AK8: variants seen among roughly 807,000 people sequenced by gnomAD.
AK8 encodes the protein ATP-AMP transphosphorylase 8.
In AK8, 44 loss-of-function variants were observed where a neutral mutation model predicts 54.6. That is an observed-to-expected ratio of 0.81 (90% CI 0.63 to 1.04). The LOEUF (loss-of-function observed/expected upper bound fraction) is 1.04. Among genes scored for constraint, AK8 ranks in the 50% least tolerant of loss-of-function variants. The pLI is 0.00. For synonymous variants in AK8, 239 were observed against 245.6 expected (o/e 0.97, Z 0.25); for missense variants, 555 against 613.6 (o/e 0.90, Z 1.01).
intron 10 of AK8, among the ~76,000 whole-genome samples, chr9:132,798,685 G>A (rs1044023774): frequency 6.6e-5 from 10 of 151,030 alleles, no homozygotes; most frequent in South Asian, 2.1e-4. Context: ...ACATGGTTTC[G>A]TTTGTTTTTT....
At position 132,878,183 on chromosome 9, in the gene AK8, C is replaced by T. The variant is rs1844232577; in HGVS notation, c.73G>A (p.Glu25Lys). 1.3e-6 allele frequency: 2 copies of T among 1,489,522 alleles called. No individual in the cohort carries two copies. The highest frequency in any genetic ancestry group is 1.4e-5 in the African/African-American group (1 of 69,244). The allele number at this position is 1,489,522 out of a possible 1,614,324, so 92.3% of individuals were successfully genotyped here. Residue 25 changes from glutamate to lysine, a missense_variant, in exon 1 of 13, where the codon GAG becomes AAG. Physicochemically the swap from Glu to Lys is moderately conservative, Grantham distance 56. Coordinates refer to ENST00000298545, the MANE Select transcript of AK8 (RefSeq NM_152572.3). The surrounding 1 kb of genome is among the most constrained non-coding windows in gnomAD (Gnocchi z 4.7). ...GGGTGTCCGGTCACCTGCATCAACT[C>T]GAAGATGTGGTTCTCCTCCCCGTAC... ...PQYGEENHIF[E>K]LMQNMLEQLL... is the part of the protein sequence containing the mutation.
intron 10 of AK8, among the ~76,000 whole-genome samples, chr9:132,794,263 G>C (rs1220866897): frequency 6.6e-6 from 1 of 152,124 alleles, no homozygotes; most frequent in Non-Finnish European, 1.5e-5. Flanking sequence ...CCCTTCCCCT[G>C]CTTCAAACCT....
chr9:132,811,989 T>A (rs894507944), intron 10 of AK8, among the ~76,000 whole-genome samples: 1 of 152,194 alleles, frequency 6.6e-6, no homozygotes, highest in Non-Finnish European at 1.5e-5. Flanking sequence ...GCTTGGCCAT[T>A]GTCTCTGTTT....
intron 5 of AK8, among the ~76,000 whole-genome samples, 191 bp downstream of exon 5, chr9:132,854,666 G>A (rs1021920961): frequency 3.9e-5 from 6 of 152,194 alleles, no homozygotes; most frequent in Admixed American, 2.0e-4. Context: ...CCGATACAAC[G>A]AATTCCACAC....
intron 11 of AK8, among the ~76,000 whole-genome samples, chr9:132,787,233 C>G (rs1311563161): frequency 6.6e-6 from 1 of 152,072 alleles, no homozygotes; most frequent in Non-Finnish European, 1.5e-5. Context: ...CAAAATAATT[C>G]AAGAAAATGT....
intron 10 of AK8, among the ~76,000 whole-genome samples, chr9:132,804,766 C>T (rs1461828961): frequency 6.6e-6 from 1 of 152,156 alleles, no homozygotes; most frequent in South Asian, 2.1e-4. Context: ...TGCCAAGTTC[C>T]CTTGCACAGG....
chr9:132,826,885 A>C lies in AK8; in HGVS notation c.726T>G (p.Ala242=), dbSNP rs780812926. ...AGAAGACGTCCACACATGGCTGGTC[A>C]GCACTGATGACTTTGAGGATTTTGG... ...SYPKILKVIS[A]DQPCVDVFYQ... Residue 242 remains alanine, a synonymous_variant, in exon 8 of 13, where the codon GCT becomes GCG. Coordinates refer to ENST00000298545, the MANE Select transcript of AK8 (RefSeq NM_152572.3). The surrounding 1 kb of genome is among the most constrained non-coding windows in gnomAD (Gnocchi z 4.5). 1.2e-6 allele frequency: 2 copies of C among 1,614,272 alleles called. No individual in the cohort carries two copies. The highest frequency in any genetic ancestry group is 1.7e-6 in the Non-Finnish European group (2 of 1,180,058).
At chr9:132,743,027 G>A (rs932163392) in intron 11 of AK8, among the ~76,000 whole-genome samples, 20 of 152,218 alleles carry the variant, frequency 1.3e-4, no homozygotes, top group African/African-American at 4.8e-4. Context: ...GAGGAGGGGG[G>A]CCTGGCCTCC....
intron 2 of AK8, among the ~76,000 whole-genome samples, chr9:132,867,803 C>G (rs1843664469): frequency 6.6e-6 from 1 of 152,252 alleles, no homozygotes; most frequent in South Asian, 2.1e-4. Flanking sequence ...GGTGGAAAAA[C>G]TGCTTGCAGG....
chr9:132,828,958 A>AT lies in AK8; in HGVS notation c.403-233dup, dbSNP rs759306917. Among the ~76,000 whole-genome samples, 540 of 142,848 alleles carry AT rather than the reference A, an allele frequency of 3.8e-3. 6 individuals are homozygous for AT. The highest frequency in any genetic ancestry group is 0.012 in the Middle Eastern group (3 of 260). The allele number at this position is 142,848 out of a possible 152,430, so 93.7% of individuals were successfully genotyped here. Reference sequence around the variant, plus strand: ...CATAACATATATATTTTACATCTTGATTTTTTTTTTTTTTTGAGATGGAGT... The same window carrying AT: ...CATAACATATATATTTTACATCTTGATTTTTTTTTTTTTTTTGAGATGGAGT... On this transcript the variant is annotated intron_variant, in intron 5 of 12. Coordinates refer to ENST00000298545, the MANE Select transcript of AK8 (RefSeq NM_152572.3).
Position 132,837,084 on chromosome 9 carries a change from G to C in AK8, c.403-8358C>G, listed in dbSNP as rs903055176. On this transcript the variant is annotated intron_variant, in intron 5 of 12. Transcript: ENST00000298545. This position sits in a 1 kb window ranked among gnomAD's most constrained non-coding sequence, Gnocchi z 4.3. ...GCCTATAATCCCAGCACTTTGGGAG[G>C]CCAAGGTAGGCGGATCATGAGGTCA... 3.3e-5 allele frequency among the ~76,000 whole-genome samples: 5 copies of C among 152,156 alleles called. No individual in the cohort carries two copies. The highest frequency in any genetic ancestry group is 2.0e-4 in the Admixed American group (3 of 15,280).
At chr9:132,748,189 A>C (rs949755486) in intron 11 of AK8, among the ~76,000 whole-genome samples, 3 of 151,964 alleles carry the variant, frequency 2.0e-5, no homozygotes, top group South Asian at 4.2e-4. Flanking sequence ...TACAGGACCA[A>C]CATAATGGTG....
chr9:132,778,029 C>A lies in AK8; in HGVS notation c.1121+14605G>T, dbSNP rs530964064. Among the ~76,000 whole-genome samples, 528 of 152,294 alleles carry A rather than the reference C, an allele frequency of 3.5e-3. 4 individuals are homozygous for A. The highest frequency in any genetic ancestry group is 0.012 in the African/African-American group (503 of 41,558). On this transcript the variant is annotated intron_variant, in intron 11 of 12. Transcript: ENST00000298545. ...GGCCTTTGCTGCATCACGGCCCATG[C>A]GACAAAATCAGAATGATGTCAGGTC...
At chr9:132,810,787 C>T (rs762055999) in intron 10 of AK8, among the ~76,000 whole-genome samples, 6 of 151,990 alleles carry the variant, frequency 3.9e-5, no homozygotes, top group Admixed American at 6.6e-5. Flanking sequence ...ACTAAAGGGC[C>T]GCGATGAGCC....
At chr9:132,726,229 TC>T (rs1229968919) in intron 12 of AK8, among the ~76,000 whole-genome samples, 3 of 150,174 alleles carry the variant, frequency 2.0e-5, no homozygotes, top group Admixed American at 2.0e-4. Context: ...CTTCCTTCCT[TC>T]CCTCCTTCCT....
intron 11 of AK8, among the ~76,000 whole-genome samples, chr9:132,749,554 G>A (rs140825842): frequency 3.4e-4 from 51 of 152,046 alleles, no homozygotes; most frequent in African/African-American, 1.1e-3. Flanking sequence ...TCTTATGGAT[G>A]AGGCAGCTTG....
intron 11 of AK8, among the ~76,000 whole-genome samples, chr9:132,731,845 G>A (rs1002270957): frequency 2.0e-5 from 3 of 152,078 alleles, no homozygotes; most frequent in East Asian, 1.9e-4. Context: ...GGCCAGCCTG[G>A]GCAACATTGC....
At chr9:132,815,500 C>A (rs1251854483) in intron 9 of AK8, among the ~76,000 whole-genome samples, 1 of 152,054 alleles carries the variant, frequency 6.6e-6, no homozygotes, top group African/African-American at 2.4e-5. Flanking sequence ...TTGCAGCGAG[C>A]CAAGATCGCG....
rs1157875264 is a variant in AK8 at position 132,860,830 on chromosome 9, G to A, written c.333+2835C>T. On this transcript the variant is annotated intron_variant, in intron 4 of 12. Transcript: ENST00000298545. The surrounding 1 kb of genome is among the most constrained non-coding windows in gnomAD (Gnocchi z 4.4). ...CATGGGTTGGTCTCCTGGGTGGGCT[G>A]CTGCAGATTGTGGGGCAGAGTCTTA... Among the ~76,000 whole-genome samples the A allele has an allele frequency of 6.6e-6, 1 of 152,204 alleles. No homozygotes were observed. The highest frequency in any genetic ancestry group is 1.9e-4 in the East Asian group (1 of 5,202).
Sources: allele counts gnomAD v4.1 joint callset (sites outside exome capture counted in the v4.1 genomes callset), GRCh38; gene constraint gnomAD v4.1.1; non-coding constraint Gnocchi (gnomAD v3.1); transcripts MANE v1.5; gene names NCBI Gene and HGNC (gene_info 2026-07-23, HGNC 2026-07-21).